IQCJ: variants seen among roughly 807,000 people sequenced by gnomAD.
IQCJ encodes the protein IQ domain-containing protein J.
IQCJ carries 9 observed loss-of-function variants against 11.0 expected under a neutral mutation model. That is an observed-to-expected ratio of 0.82 (90% CI 0.49 to 1.43). The LOEUF is 1.43. Among genes scored for constraint, IQCJ ranks in the 40% most tolerant of loss-of-function variants. IQCJ has a pLI of 0.00. For synonymous variants in IQCJ, 55 were observed against 51.3 expected (o/e 1.07, Z -0.31); for missense variants, 146 against 133.2 (o/e 1.10, Z -0.47).
At chr3:159,139,001 A>G (rs562023299) in intron 1 of IQCJ, among the ~76,000 whole-genome samples, 2 of 152,216 alleles carry the variant, frequency 1.3e-5, no homozygotes, top group Non-Finnish European at 2.9e-5. Context: ...GAAATTGAAC[A>G]ATTTTCTTTT....
rs770977348 is a variant in IQCJ, at chr3:159,245,957, G to A, written c.74+50G>A. 6.6e-6 allele frequency: 9 copies of A among 1,373,956 alleles called. No individual in the cohort carries two copies. In the South Asian group the frequency reaches 1.2e-4, roughly 18 times the overall value. The allele number at this position is 1,373,956 out of a possible 1,614,324, so 85.1% of individuals were successfully genotyped here. A position where few individuals can be genotyped will look rare whatever the true frequency, so the allele number is the denominator to read the frequency against. On this transcript the variant is annotated intron_variant, in intron 2 of 3. Coordinates refer to ENST00000397832, the MANE Select transcript of IQCJ (RefSeq NM_001042706.3). ...TCATCTGCAAGGTTGGAAAGCTTGA[G>A]TAAAAAGAAAATCTTTCTGGTAAAA...
chr3:159,197,353 C>G (rs1045644954), intron 1 of IQCJ, among the ~76,000 whole-genome samples: 2 of 152,128 alleles, frequency 1.3e-5, no homozygotes, highest in African/African-American at 4.8e-5. Context: ...TACCATTGCC[C>G]TAATTCAAAC....
chr3:159,183,501 C>G (rs143156075), intron 1 of IQCJ, among the ~76,000 whole-genome samples: 1 of 152,086 alleles, frequency 6.6e-6, no homozygotes, highest in Non-Finnish European at 1.5e-5. Context: ...AATGACTTCC[C>G]CATTTTGTTT....
Position 159,252,476 on chromosome 3 carries a change from A to G in IQCJ, c.75-251A>G, listed in dbSNP as rs145306041. Among the ~76,000 whole-genome samples, 1,464 of 152,272 alleles carry G rather than the reference A, an allele frequency of 9.6e-3. 14 individuals carry two copies. The highest frequency in any genetic ancestry group is 0.014 in the African/African-American group (570 of 41,544). ...CTTTTCTTTTCTCTTAAAGGAAATG[A>G]TTTTCATACCATAGCTATGAATGTT... is the stretch of plus-strand genomic sequence containing the variant. On this transcript the variant is annotated intron_variant, in intron 2 of 3. Coordinates refer to ENST00000397832, the MANE Select transcript of IQCJ (RefSeq NM_001042706.3).
At chr3:159,232,111 T>C (rs1188937518) in intron 1 of IQCJ, among the ~76,000 whole-genome samples, 1 of 152,070 alleles carries the variant, frequency 6.6e-6, no homozygotes, top group Non-Finnish European at 1.5e-5. Context: ...TTTTGAAGGA[T>C]TTTTTTGTGT....
intron 1 of IQCJ, among the ~76,000 whole-genome samples, chr3:159,190,688 C>G (rs1723634241): frequency 6.6e-6 from 1 of 152,224 alleles, no homozygotes; most frequent in Admixed American, 6.5e-5. Flanking sequence ...GGATGCAGCA[C>G]TGAACTGAGA....
At chr3:159,131,522 C>T (rs1719986968) in intron 1 of IQCJ, among the ~76,000 whole-genome samples, 2 of 152,030 alleles carry the variant, frequency 1.3e-5, no homozygotes, top group African/African-American at 4.8e-5. Flanking sequence ...AAGGATTGTG[C>T]CCCTCCTTGA....
chr3:159,232,605 G>A (rs564007220), intron 1 of IQCJ, among the ~76,000 whole-genome samples: 1 of 151,904 alleles, frequency 6.6e-6, no homozygotes, highest in Non-Finnish European at 1.5e-5. Context: ...TATGACTTCT[G>A]TTCTTTTGCA....
intron 1 of IQCJ, among the ~76,000 whole-genome samples, chr3:159,094,422 CTTTTTTTTTT>C (rs71302258): frequency 4.2e-5 from 3 of 71,714 alleles, no homozygotes; most frequent in African/African-American, 1.2e-4. Flanking sequence ...ACAGGATCTG[CTTTTTTTTTT>C]TTTTTTTTTT....
chr3:159,230,759 T>C (rs1726200705), intron 1 of IQCJ, among the ~76,000 whole-genome samples: 1 of 152,256 alleles, frequency 6.6e-6, no homozygotes. Flanking sequence ...TATTACATAC[T>C]TTCTAGCCAT....
chr3:159,246,172 C>T (rs1727259413), intron 2 of IQCJ, among the ~76,000 whole-genome samples: 1 of 152,140 alleles, frequency 6.6e-6, no homozygotes, highest in South Asian at 2.1e-4. Context: ...TGAAACTTAA[C>T]TCTGACCTGT....
intron 1 of IQCJ, among the ~76,000 whole-genome samples, chr3:159,207,903 A>T (rs1724744660): frequency 6.6e-6 from 1 of 152,218 alleles, no homozygotes; most frequent in Admixed American, 6.5e-5. Flanking sequence ...AAATGCAGGC[A>T]GATCTTCTGA....
At chr3:159,241,542 T>G (rs1435011622) in intron 1 of IQCJ, among the ~76,000 whole-genome samples, 2 of 152,244 alleles carry the variant, frequency 1.3e-5, no homozygotes, top group Non-Finnish European at 2.9e-5. Flanking sequence ...CTTTTGTCTC[T>G]TTTTCCTTTG....
intron 1 of IQCJ, among the ~76,000 whole-genome samples, chr3:159,152,181 A>C (rs1432718202): frequency 6.6e-6 from 1 of 152,196 alleles, no homozygotes; most frequent in Non-Finnish European, 1.5e-5. Context: ...GCCATCAAGT[A>C]GGTCCCCATG....
intron 1 of IQCJ, among the ~76,000 whole-genome samples, chr3:159,180,291 T>G (rs1467556802): frequency 2.0e-5 from 3 of 151,126 alleles, no homozygotes; most frequent in Non-Finnish European, 4.4e-5. Flanking sequence ...CATTTCTCTC[T>G]CTCTCTCTTT....
chr3:159,105,166 A>T (rs74597239), intron 1 of IQCJ, among the ~76,000 whole-genome samples: 122 of 152,378 alleles, frequency 8.0e-4, no homozygotes, highest in African/African-American at 2.8e-3. Flanking sequence ...AAGCTCTGAA[A>T]GATAAAATAA....
intron 3 of IQCJ, among the ~76,000 whole-genome samples, chr3:159,253,813 G>A (rs1727742419): frequency 6.6e-6 from 1 of 152,248 alleles, no homozygotes; most frequent in Non-Finnish European, 1.5e-5. Context: ...ACAACACCAA[G>A]TTGTTGCTGG....
chr3:159,092,699 AAC>A lies in IQCJ; in HGVS notation c.9+23289_9+23290del, dbSNP rs57083405. ...GGCGACAGAGTGAGACTCCATCACA[AAC>A]ACACACACACACACACACACACACA... On this transcript the variant is annotated intron_variant, in intron 1 of 3. Coordinates refer to ENST00000397832, the MANE Select transcript of IQCJ (RefSeq NM_001042706.3). Among the ~76,000 whole-genome samples, 575 of 141,604 alleles carry A rather than the reference AAC, an allele frequency of 4.1e-3. 12 individuals are homozygous for A. The highest frequency in any genetic ancestry group is 0.012 in the African/African-American group (423 of 36,092). 92.9% of individuals were successfully genotyped at this position (141,604 alleles called of 152,430 possible). A position where few individuals can be genotyped will look rare whatever the true frequency, so the allele number is the denominator to read the frequency against.
At chr3:159,150,583 A>AACACACACACACACACACACAC (rs373030886) in intron 1 of IQCJ, among the ~76,000 whole-genome samples, 14 of 146,178 alleles carry the variant, frequency 9.6e-5, no homozygotes, top group African/African-American at 3.6e-4. Context: ...CATTGTCCCC[A>AACACACACACACACACACACAC]ACACACACAC....
Sources: allele counts gnomAD v4.1 joint callset (sites outside exome capture counted in the v4.1 genomes callset), GRCh38; gene constraint gnomAD v4.1.1; transcripts MANE v1.5; gene names NCBI Gene and HGNC (gene_info 2026-07-23, HGNC 2026-07-21).